ATG9B: variants seen among roughly 807,000 people sequenced by gnomAD.
ATG9B encodes autophagy related 9B, also known as autophagy-related protein 9B.
In ATG9B, 92 loss-of-function variants were observed where a neutral mutation model predicts 92.9. The observed-to-expected ratio is 0.99, with a 90% CI of 0.84 to 1.18. ATG9B has a LOEUF of 1.18. ATG9B is among the 50% of genes most tolerant of loss of function. ATG9B has a pLI of 0.00. For synonymous variants in ATG9B, 599 were observed against 551.4 expected, an observed-to-expected ratio of 1.09 and a Z score of -1.21; for missense variants, 1,344 against 1,235.0, an observed-to-expected ratio of 1.09 and a Z score of -1.32.
At chr7:151,016,052 T>G (rs1477807310) in intron 12 of ATG9B, 29 bp from the exon 13 acceptor site, 2 of 1,550,112 alleles carry the variant, frequency 1.3e-6, no homozygotes, top group East Asian at 4.9e-5. Flanking sequence ...AGCTGGGCAG[T>G]TCCATGATGC....
chr7:151,024,013 A>G lies in ATG9B; in HGVS notation c.411T>C (p.Ser137=), dbSNP rs1217685595. The G allele has an allele frequency of 1.3e-6, 2 of 1,593,328 alleles. No homozygotes were observed. Among genetic ancestry groups the G allele is most frequent in the Admixed American group, 1.8e-5 (1 of 56,748 alleles). Residue 137 remains serine (S), a synonymous_variant, in exon 1 of 14, where the codon TCT becomes TCC. Transcript: ENST00000639579. ...PTPSQQCPQD[S]PGLRVGPLIP... ...TCAAAGGGCCTACCCGCAGCCCAGG[A>G]GAGTCCTGGGGGCACTGCTGTGAGG... is the stretch of plus-strand genomic sequence containing the variant.
In ATG9B at chr7:151,018,495, G is replaced by A; in HGVS notation, c.1719-48C>T. 1 of 1,513,694 alleles carries A rather than the reference G, an allele frequency of 6.6e-7. No homozygotes were observed. The highest frequency in any genetic ancestry group is 8.8e-7 in the Non-Finnish European group (1 of 1,133,202). The allele number at this position is 1,513,694 out of a possible 1,614,324, so 93.8% of individuals were successfully genotyped here. A position where few individuals can be genotyped will look rare whatever the true frequency, so the allele number is the denominator to read the frequency against. Reference sequence around the variant, plus strand: ...GGAAGGGGCCTGCGATTAGGAGGACGCGCGGTGGGATGTAGGGCTAGAGGG... The same window carrying A: ...GGAAGGGGCCTGCGATTAGGAGGACACGCGGTGGGATGTAGGGCTAGAGGG... On this transcript the variant is annotated intron_variant, in intron 6 of 13. Coordinates refer to ENST00000639579, the MANE Select transcript of ATG9B (RefSeq NM_001317056.2). The surrounding 1 kb of genome is among the most constrained non-coding windows in gnomAD (Gnocchi z 4.7).
chr7:151,015,826 C>G, intron 13 of ATG9B, 56 bp downstream of exon 13: 1 of 1,508,532 alleles, frequency 6.6e-7, no homozygotes, highest in Non-Finnish European at 8.9e-7. Flanking sequence ...AGTCGGACTC[C>G]AAACCAACTA....
chr7:151,017,847 C>A, intron 8 of ATG9B, 24 bp downstream of exon 8: 1 of 1,572,328 alleles, frequency 6.4e-7, no homozygotes, highest in East Asian at 2.3e-5. Context: ...GCCCAAACCC[C>A]CAGGGCCAGG....
downstream of ATG9B, chr7:151,012,497 C>A: frequency 6.2e-7 from 1 of 1,602,812 alleles, no homozygotes. Context: ...TAAAGGACTG[C>A]CTGAAGGGAG....
Position 151,021,649 on chromosome 7 carries a change from ACT to A in ATG9B, c.822-322_822-321del, listed in dbSNP as rs938096840. On this transcript the variant is annotated intron_variant, in intron 4 of 13. Coordinates refer to ENST00000639579, the MANE Select transcript of ATG9B (RefSeq NM_001317056.2). ...CAGCTGATGAAATGTGTGCTTGTAC[ACT>A]CTTTTTTTTTTTTTTTGAGATGGAG... Among the ~76,000 whole-genome samples the A allele has an allele frequency of 1.4e-4, 20 of 144,314 alleles. No individual in the cohort carries two copies. The East Asian group carries it at 3.2e-3, about 23-fold the overall frequency. 94.7% of individuals were successfully genotyped at this position (144,314 alleles called of 152,430 possible). A position where few individuals can be genotyped will look rare whatever the true frequency, so the allele number is the denominator to read the frequency against.
Position 151,023,134 on chromosome 7 carries a change from G to T in ATG9B, c.732C>A (p.Asn244Lys), listed in dbSNP as rs767234380. The change falls in exon 4 of 14, where the codon AAC (asparagine) becomes AAA (lysine). Residue 244 changes from asparagine (N) to lysine (K), a missense_variant. Transcript: ENST00000639579. ...CAGGTCTGGTATGGTTACTTGGTTG[G>T]TTGGCAAAGAGAACATTGTAATCCA... is the stretch of plus-strand genomic sequence containing the variant. ...RCVDYNVLFANQPSNHTRPGP... is the reference protein window; with the variant it reads ...RCVDYNVLFAKQPSNHTRPGP... 6.2e-6 allele frequency: 10 copies of T among 1,614,056 alleles called. No homozygotes were observed. The highest frequency in any genetic ancestry group is 8.5e-6 in the Non-Finnish European group (10 of 1,180,036).
chr7:151,014,152 G>T, downstream of ATG9B: 3 of 1,607,506 alleles, frequency 1.9e-6, no homozygotes, highest in Non-Finnish European at 1.7e-6. Context: ...TCCCGGCTCA[G>T]ACACCAACAG....
rs775252552 is a variant in ATG9B at position 151,024,089 on chromosome 7, G to A, written c.335C>T (p.Pro112Leu). 2 of 1,605,746 alleles carry A rather than the reference G, an allele frequency of 1.2e-6. No homozygotes were observed. Among genetic ancestry groups the A allele is most frequent in the Non-Finnish European group, 8.5e-7 (1 of 1,176,436 alleles). Residue 112 changes from proline (P) to leucine (L), a missense_variant, in exon 1 of 14, where the codon CCC becomes CTC. Transcript: ENST00000639579. Reference protein sequence around the residue: ...QPAMTPASASPSWGSHSTPPL... With the variant: ...QPAMTPASASLSWGSHSTPPL... ...TGGGGTGGAGTGGGATCCCCAGGAG[G>A]GAGATGCAGAGGCAGGTGTCATTGC...
chr7:151,014,277 A>T, downstream of ATG9B: 1 of 1,133,032 alleles, frequency 8.8e-7, no homozygotes, highest in Non-Finnish European at 1.2e-6. Flanking sequence ...GCCTTCTCAC[A>T]TCTGTCCAGA....
At chr7:151,021,894 C>G (rs1795766824) in intron 4 of ATG9B, among the ~76,000 whole-genome samples, 1 of 152,176 alleles carries the variant, frequency 6.6e-6, no homozygotes, top group East Asian at 1.9e-4. Flanking sequence ...TGTGATCCGC[C>G]CGCCTCGGCC....
At chr7:151,014,614 T>G (rs963615036), downstream of ATG9B, 5 of 139,580 alleles carry the variant, frequency 3.6e-5, no homozygotes, top group East Asian at 2.0e-4. Flanking sequence ...TTTTTTTTTG[T>G]TTTTTTTTTT....
chr7:151,018,419 C>A lies in ATG9B; in HGVS notation c.1747G>T (p.Gly583Cys). 1.3e-6 allele frequency: 2 copies of A among 1,541,458 alleles called. No homozygotes were observed. The highest frequency in any genetic ancestry group is 2.5e-5 in the South Asian group (2 of 80,242). The part of the protein sequence containing the change: ...RSFIPEEQCQ[G>C]RAPQLLLQTA... ...TGCAGCAGGAGCTGCGGCGCACGAC[C>A]CTGGCACTGCTCTTCCGGAATGAAA... The change falls in exon 7 of 14, where the codon GGT becomes TGT. Residue 583 changes from glycine (G) to cysteine (C), a missense_variant. By Grantham distance (159) the Gly-to-Cys change is radical. Transcript: ENST00000639579. The surrounding 1 kb of genome is among the most constrained non-coding windows in gnomAD (Gnocchi z 4.7).
In ATG9B at chr7:151,023,950, G is replaced by A. The variant is rs749604283; in HGVS notation, c.474C>T (p.Asp158=). ...EQDYERLEDC[D]PEGSQDSPIH... is the part of the protein sequence containing the mutation. ...TGGGTGAGTCTTGGGACCCCTCAGG[G>A]TCACAGTCCTCCAGCCGCTCATAAT... Residue 158 remains aspartate (D), a synonymous_variant, in exon 1 of 14, where the codon GAC becomes GAT. Transcript: ENST00000639579. 6.3e-7 allele frequency: 1 copy of A among 1,590,042 alleles called. No individual in the cohort carries two copies. The highest frequency in any genetic ancestry group is 1.1e-5 in the South Asian group (1 of 88,064).
In ATG9B at chr7:151,018,764, G is replaced by A. The variant is rs1235254038; in HGVS notation, c.1574C>T (p.Thr525Met). 2.7e-6 allele frequency: 4 copies of A among 1,498,540 alleles called. No homozygotes were observed. In the Admixed American group the frequency reaches 6.9e-5, roughly 26 times the overall value. 92.8% of individuals were successfully genotyped at this position (1,498,540 alleles called of 1,614,324 possible). Residue 525 changes from threonine (T) to methionine (M), a missense_variant, in exon 6 of 14, where the codon ACG (threonine) becomes ATG (methionine). By Grantham distance (81) the Thr-to-Met change is moderately conservative. Coordinates refer to ENST00000639579, the MANE Select transcript of ATG9B (RefSeq NM_001317056.2). The surrounding 1 kb of genome is among the most constrained non-coding windows in gnomAD (Gnocchi z 4.7). ...GAAAACGAGCTGGCGGGCCAGCAGCGTGCGCAGGGGCGCGGGGGGCGCAGC... is the reference window on the plus strand; with the variant it reads ...GAAAACGAGCTGGCGGGCCAGCAGCATGCGCAGGGGCGCGGGGGGCGCAGC... ...RTAAPPAPLR[T>M]LLARQLVFFA...
Position 151,018,713 on chromosome 7 carries a change from A to T in ATG9B, c.1625T>A (p.Leu542Gln). ...CTCGTCGTAGACGGTGAGCACAAGC[A>T]GCGCGGCGAAGAGTGCACCCGCGAA... Reference protein sequence around the residue: ...VFFAGALFAALLVLTVYDEDV... With the variant: ...VFFAGALFAAQLVLTVYDEDV... Residue 542 changes from leucine to glutamine, a missense_variant, in exon 6 of 14, where the codon CTG becomes CAG. Transcript: ENST00000639579. The surrounding 1 kb of genome is among the most constrained non-coding windows in gnomAD (Gnocchi z 4.7). The T allele has an allele frequency of 6.3e-7, 1 of 1,598,318 alleles. No individual in the cohort carries two copies. Among genetic ancestry groups the T allele is most frequent in the African/African-American group, 1.4e-5 (1 of 73,432 alleles).
In ATG9B at chr7:151,021,187, C is replaced by G; in HGVS notation, c.963+1G>C. 6.2e-7 allele frequency: 1 copy of G among 1,613,278 alleles called. No homozygotes were observed. Among genetic ancestry groups the G allele is most frequent in the East Asian group, 2.2e-5 (1 of 44,884 alleles). On this transcript the variant is annotated splice_donor_variant, in intron 5 of 13. Coordinates refer to ENST00000639579, the MANE Select transcript of ATG9B (RefSeq NM_001317056.2). LOFTEE classifies it high-confidence loss of function. ...TGCACAGACACAGCCACCCAGCTCA[C>G]CGGGGGGATGTGCAGGGCCTCCCTG...
rs3800788 is a variant in ATG9B at position 151,016,652 on chromosome 7, T to C, written c.2423+36A>G. ...CTCCTACAGGATCAGCCCACCCCCC[T>C]CCACATGCCCCTGCATCTCAGCCTC... On this transcript the variant is annotated intron_variant, in intron 10 of 13. Transcript: ENST00000639579. 0.19 allele frequency: 292,946 copies of C among 1,533,664 alleles called. 28,956 individuals carry two copies. Among genetic ancestry groups the C allele is most frequent in the Admixed American group, 0.43 (21,498 of 50,200 alleles).
Position 151,023,036 on chromosome 7 carries a change from G to T in ATG9B, c.821+9C>A. ...TTCACCCCCAGGGCCCCACCAGGTT[G>T]TCACTAACCTCTCAGCACACTGGGC... On this transcript the variant is annotated intron_variant, in intron 4 of 13. Coordinates refer to ENST00000639579, the MANE Select transcript of ATG9B (RefSeq NM_001317056.2). 6.2e-7 allele frequency: 1 copy of T among 1,614,064 alleles called. No homozygotes were observed. The highest frequency in any genetic ancestry group is 8.5e-7 in the Non-Finnish European group (1 of 1,180,004).
Sources: gnomAD v4.1 joint callset for allele counts (sites outside exome capture counted in the v4.1 genomes callset) on GRCh38, gnomAD v4.1.1 for gene constraint, Gnocchi (gnomAD v3.1) non-coding constraint, MANE v1.5 for transcripts, NCBI Gene and HGNC (gene_info 2026-07-23, HGNC 2026-07-21) for gene names.